The following USP48 variants were observed in gnomAD, a reference collection of about 807,000 sequenced individuals.
USP48 encodes ubiquitin carboxyl-terminal hydrolase 48.
A neutral mutation model predicts 150.7 loss-of-function variants in USP48; 43 were observed. That is an observed-to-expected ratio of 0.29 (90% confidence interval 0.22 to 0.37). USP48 has a LOEUF of 0.37. Among genes scored for constraint, USP48 ranks in the 10% least tolerant of loss-of-function variants. The probability of loss-of-function intolerance (pLI) is 1.00; values close to 1 mark genes in which losing one functional copy is unlikely to be tolerated. For missense variants in USP48, 813 were observed against 1,249.6 expected, an observed-to-expected ratio of 0.65 and a Z score of 5.27; for synonymous variants, 396 against 425.9, an observed-to-expected ratio of 0.93 and a Z score of 0.86.
rs1175025412 is a variant in USP48, at chr1:21,776,616, AAAG to A, written c.134+6205_134+6207del. On this transcript the variant is annotated intron_variant, in intron 1 of 26. Coordinates refer to ENST00000308271, the MANE Select transcript of USP48 (RefSeq NM_032236.8). ...TCAAAAAAAAAAAAAAAAAAAAAAAAAAGAAGAAAGTGAGTAGAAAGAGAGCTT... is the reference window on the plus strand; with the variant it reads ...TCAAAAAAAAAAAAAAAAAAAAAAAAAAGAAAGTGAGTAGAAAGAGAGCTT... Among the ~76,000 whole-genome samples, 4 of 149,606 alleles carry A rather than the reference AAAG, an allele frequency of 2.7e-5. No individual in the cohort carries two copies. In the East Asian group the frequency reaches 7.8e-4, roughly 29 times the overall value.
intron 8 of USP48, among the ~76,000 whole-genome samples, chr1:21,740,374 G>C (rs573779270): frequency 1.3e-5 from 2 of 152,316 alleles, no homozygotes; most frequent in South Asian, 4.1e-4. Flanking sequence ...CTTTGGTTTA[G>C]AAGATTATCA....
intron 1 of USP48, among the ~76,000 whole-genome samples, chr1:21,765,761 C>T (rs2097860282): frequency 6.6e-6 from 1 of 151,596 alleles, no homozygotes; most frequent in African/African-American, 2.4e-5. Flanking sequence ...TGGCTCACAC[C>T]CGTAATCCTA....
intron 15 of USP48, among the ~76,000 whole-genome samples, chr1:21,712,495 G>A (rs141052274): frequency 3.3e-5 from 5 of 152,152 alleles, no homozygotes; most frequent in Non-Finnish European, 2.9e-5. Flanking sequence ...TCCAGAAAGT[G>A]GTTTTAACAG....
chr1:21,723,462 C>T (rs1158916055), intron 12 of USP48, among the ~76,000 whole-genome samples: 1 of 149,848 alleles, frequency 6.7e-6, no homozygotes, highest in Non-Finnish European at 1.5e-5. Flanking sequence ...TGCAGTGAGT[C>T]GAGATTGAGC....
At chr1:21,780,757 T>TTA (rs2097912359) in intron 1 of USP48, among the ~76,000 whole-genome samples, 1 of 149,490 alleles carries the variant, frequency 6.7e-6, no homozygotes, top group African/African-American at 2.5e-5. Context: ...TTTTTTTTTT[T>TTA]TTTGAGACTG....
At chr1:21,690,163 A>G in intron 23 of USP48, 64 bp from the exon 24 acceptor site, 1 of 1,466,084 alleles carries the variant, frequency 6.8e-7, no homozygotes, top group East Asian at 2.3e-5. Context: ...TACCCTATTT[A>G]AATAAATTAT....
intron 25 of USP48, among the ~76,000 whole-genome samples, chr1:21,682,985 G>C (rs929821742): frequency 5.3e-5 from 8 of 152,124 alleles, no homozygotes; most frequent in African/African-American, 1.9e-4. Flanking sequence ...ACAAGGCCAG[G>C]TGCAATAGCT....
rs554268801 is a variant in USP48, at chr1:21,711,369, C to T, written c.1963+4020G>A. On this transcript the variant is annotated intron_variant, in intron 15 of 26. Transcript: ENST00000308271. ...AAGTATGTAGTTAGATGCTCAGTCCCCTTCTCTGCCCTTGAGATCACTGCC... is the reference window on the plus strand; with the variant it reads ...AAGTATGTAGTTAGATGCTCAGTCCTCTTCTCTGCCCTTGAGATCACTGCC... 5.4e-4 allele frequency among the ~76,000 whole-genome samples: 82 copies of T among 152,174 alleles called. 1 individual carries two copies. The highest frequency in any genetic ancestry group is 7.2e-4 in the Admixed American group (11 of 15,290).
At chr1:21,750,061 C>G (rs1005632533) in intron 6 of USP48, among the ~76,000 whole-genome samples, 5 of 152,212 alleles carry the variant, frequency 3.3e-5, no homozygotes, top group African/African-American at 1.2e-4. Context: ...TCCCTTAAAA[C>G]AGACTGTACC....
At chr1:21,718,067 T>C (rs80240084) in intron 14 of USP48, among the ~76,000 whole-genome samples, 1,931 of 152,348 alleles carry the variant, frequency 0.013, 36 homozygotes, top group African/African-American at 0.044. Flanking sequence ...TATGTGGCAA[T>C]TGTAAGTATT....
chr1:21,723,348 C>T (rs568739603), intron 12 of USP48, among the ~76,000 whole-genome samples: 47 of 151,814 alleles, frequency 3.1e-4, no homozygotes, highest in Non-Finnish European at 5.9e-4. Context: ...AGTGAAACCC[C>T]GTCTCTACTA....
intron 15 of USP48, among the ~76,000 whole-genome samples, chr1:21,710,105 T>C (rs1192340021): frequency 6.6e-6 from 1 of 152,180 alleles, no homozygotes; most frequent in Non-Finnish European, 1.5e-5. Flanking sequence ...ACACATAAAT[T>C]GTTAGAAATT....
intron 1 of USP48, among the ~76,000 whole-genome samples, chr1:21,769,147 T>C (rs1195307658): frequency 6.6e-6 from 1 of 152,208 alleles, no homozygotes; most frequent in Non-Finnish European, 1.5e-5. Context: ...AGAGATCAAG[T>C]AACGTCAAAT....
At chr1:21,743,316 A>T (rs1217454315) in intron 8 of USP48, among the ~76,000 whole-genome samples, 1 of 152,216 alleles carries the variant, frequency 6.6e-6, no homozygotes, top group Non-Finnish European at 1.5e-5. Flanking sequence ...GAAACACAAG[A>T]GTGTCCAATG....
At chr1:21,715,337 A>G (rs780617583) in intron 15 of USP48, 52 bp downstream of exon 15, 2 of 1,434,768 alleles carry the variant, frequency 1.4e-6, no homozygotes, top group South Asian at 1.2e-5. Context: ...AGTAGAAGCT[A>G]AAAGTAAAAA....
At chr1:21,765,531 C>T (rs563933721) in intron 1 of USP48, among the ~76,000 whole-genome samples, 17 of 151,466 alleles carry the variant, frequency 1.1e-4, no homozygotes, top group African/African-American at 3.4e-4. Context: ...GCAGAAGGCT[C>T]GCTTGAACCC....
chr1:21,729,654 T>C (rs773458075), intron 10 of USP48, 50 bp downstream of exon 10: 38 of 1,593,534 alleles, frequency 2.4e-5, no homozygotes, highest in Non-Finnish European at 2.9e-5. Flanking sequence ...AATCTTTGAG[T>C]ATGGCATTCT....
chr1:21,727,261 C>T (rs1425804207), intron 11 of USP48, among the ~76,000 whole-genome samples: 2 of 152,146 alleles, frequency 1.3e-5, no homozygotes, highest in Non-Finnish European at 1.5e-5. Flanking sequence ...CATAATTTTA[C>T]AGCGTGGACT....
chr1:21,709,185 C>T (rs1426681682), intron 15 of USP48, among the ~76,000 whole-genome samples: 3 of 152,092 alleles, frequency 2.0e-5, no homozygotes, highest in African/African-American at 7.2e-5. Context: ...TATGCCTGGT[C>T]CCTATAATTT....
Sources: allele counts gnomAD v4.1 joint callset (sites outside exome capture counted in the v4.1 genomes callset), GRCh38; gene constraint gnomAD v4.1.1; transcripts MANE v1.5; gene names NCBI Gene and HGNC (gene_info 2026-07-23, HGNC 2026-07-21).